The following NCOR1 variants were observed in gnomAD, a reference collection of about 807,000 sequenced individuals.
The protein encoded by NCOR1 is nuclear receptor corepressor 1.
NCOR1 carries 63 observed loss-of-function variants against 288.1 expected under a neutral mutation model. That is an observed-to-expected ratio of 0.22 (90% CI 0.18 to 0.27). The LOEUF (loss-of-function observed/expected upper bound fraction) is 0.27. Ranked by LOEUF, NCOR1 falls within the 10% of genes least tolerant of loss-of-function variation. NCOR1 has a pLI of 1.00. For synonymous variants in NCOR1, 1,007 were observed against 1,065.9 expected (o/e 0.94, Z 1.08); for missense variants, 2,397 against 3,019.2 (o/e 0.79, Z 4.83).
intron 19 of NCOR1, among the ~76,000 whole-genome samples, chr17:16,103,404 T>C (rs746792431): frequency 6.6e-6 from 1 of 152,196 alleles, no homozygotes; most frequent in African/African-American, 2.4e-5. Flanking sequence ...AAAGATAGAG[T>C]TGTCTTTTTA....
chr17:16,175,196 G>A (rs79606155), intron 3 of NCOR1, among the ~76,000 whole-genome samples: 7,515 of 152,032 alleles, frequency 0.049, 222 homozygotes, highest in African/African-American at 0.092. Context: ...GTGAAAGCCC[G>A]TCTCTACAAA....
rs2057371068 is a variant in NCOR1 at position 16,040,576 on chromosome 17, AAAATT to A, written c.6680-87_6680-83del. The A allele has an allele frequency of 6.2e-6, 7 of 1,136,520 alleles. No individual in the cohort carries two copies. In the South Asian group the frequency reaches 9.6e-5, roughly 16 times the overall value. The allele number at this position is 1,136,520 out of a possible 1,614,324, so 70.4% of individuals were successfully genotyped here. A position where few individuals can be genotyped will look rare whatever the true frequency, so the allele number is the denominator to read the frequency against. On this transcript the variant is annotated intron_variant, in intron 42 of 45. Coordinates refer to ENST00000268712, the MANE Select transcript of NCOR1 (RefSeq NM_006311.4). ...TAAAGTCTCAAAAAATTCCTATAAT[AAAATT>A]AATCTTTTTATTTTTCATGATCTCA...
At chr17:16,167,360 T>A (rs2082207451) in intron 4 of NCOR1, among the ~76,000 whole-genome samples, 1 of 151,668 alleles carries the variant, frequency 6.6e-6, no homozygotes, top group Non-Finnish European at 1.5e-5. Context: ...GAAAAAGAAT[T>A]AGATTCTTAC....
intron 42 of NCOR1, chr17:16,044,899 A>T: frequency 1.4e-6 from 1 of 715,116 alleles, no homozygotes. Context: ...AAGAAAGTGG[A>T]AGCAAACAAA....
intron 14 of NCOR1, among the ~76,000 whole-genome samples, chr17:16,127,369 GTA>G (rs1176635763): frequency 0.012 from 387 of 31,066 alleles, 25 homozygotes; most frequent in African/African-American, 0.023. Context: ...ATATATACAT[GTA>G]TGTATATATG....
chr17:16,044,596 C>T (rs769179346), intron 42 of NCOR1: 17 of 564,618 alleles, frequency 3.0e-5, no homozygotes, highest in Admixed American at 6.3e-5. Context: ...CGTCCGGCAG[C>T]GCCAGCCCCA....
chr17:16,108,711 C>T lies in NCOR1; in HGVS notation c.2182+75G>A, dbSNP rs930120448. 16 of 1,367,346 alleles carry T rather than the reference C, an allele frequency of 1.2e-5. No homozygotes were observed. The African/African-American group carries it at 1.9e-4, about 16-fold the overall frequency. The allele number at this position is 1,367,346 out of a possible 1,614,324, so 84.7% of individuals were successfully genotyped here. ...CACTGTTTCCTCAATGAAGCAACTCCTACACAGTCAAATGACTAAAAATTA... is the reference window on the plus strand; with the variant it reads ...CACTGTTTCCTCAATGAAGCAACTCTTACACAGTCAAATGACTAAAAATTA... On this transcript the variant is annotated intron_variant, in intron 19 of 45. Transcript: ENST00000268712.
At chr17:16,169,786 T>C (rs2082764295) in intron 4 of NCOR1, among the ~76,000 whole-genome samples, 1 of 152,220 alleles carries the variant, frequency 6.6e-6, no homozygotes, top group Non-Finnish European at 1.5e-5. Flanking sequence ...AGTTACAAAT[T>C]ACATTTGTGG....
At chr17:16,136,561 C>T (rs893710039) in intron 14 of NCOR1, among the ~76,000 whole-genome samples, 1 of 152,018 alleles carries the variant, frequency 6.6e-6, no homozygotes, top group Admixed American at 6.6e-5. Flanking sequence ...AATCCCAGCA[C>T]CTTGGGAGGC....
At chr17:16,213,406 T>C (rs974478725) in intron 1 of NCOR1, among the ~76,000 whole-genome samples, 7 of 144,412 alleles carry the variant, frequency 4.8e-5, no homozygotes, top group African/African-American at 1.5e-4. Context: ...GGCAGAAGAA[T>C]TGCTTGAACC....
At chr17:16,146,259 C>A in intron 10 of NCOR1, 117 bp downstream of exon 10, 4 of 884,848 alleles carry the variant, frequency 4.5e-6, no homozygotes, top group South Asian at 3.8e-5. Flanking sequence ...CCTGCCAAAT[C>A]CCCCTCTCCG....
chr17:16,208,539 T>A lies in NCOR1; in HGVS notation c.-71+6823A>T, dbSNP rs575663827. On this transcript the variant is annotated intron_variant, in intron 1 of 45. Coordinates refer to ENST00000268712, the MANE Select transcript of NCOR1 (RefSeq NM_006311.4). ...TCCCCAAAATTCCAATAAACAGAAT[T>A]TTTTTTTTCTTTTTTAAAGAAATGC... Among the ~76,000 whole-genome samples the A allele has an allele frequency of 2.2e-4, 33 of 149,924 alleles. 1 individual carries two copies. Among genetic ancestry groups the A allele is most frequent in the African/African-American group, 8.0e-4 (32 of 39,780 alleles).
chr17:16,175,834 TAAA>T (rs66939235), intron 3 of NCOR1, among the ~76,000 whole-genome samples: 4 of 144,830 alleles, frequency 2.8e-5, no homozygotes, highest in Non-Finnish European at 4.5e-5. Flanking sequence ...TTGTCTCTTT[TAAA>T]AAAAAAAAAA....
intron 41 of NCOR1, 66 bp downstream of exon 41, chr17:16,048,779 G>C (rs79040621): frequency 0.036 from 52,308 of 1,437,878 alleles, 1,158 homozygotes; most frequent in Non-Finnish European, 0.043. Context: ...GGCAACAACT[G>C]AAGGAAATGT....
intron 45 of NCOR1, among the ~76,000 whole-genome samples, chr17:16,034,099 TTAGAAGTGGC>T (rs1280037583): frequency 1.3e-5 from 2 of 149,174 alleles, no homozygotes; most frequent in African/African-American, 5.2e-5. Context: ...TGAAGTACTC[TTAGAAGTGGC>T]ATGGGTACAT....
At position 16,131,304 on chromosome 17, in the gene NCOR1, G is replaced by C. The variant is rs147581182; in HGVS notation, c.1510-5098C>G. Reference sequence around the variant, plus strand: ...GCCTCCCAAAGTGCTGGGATTACTAGTGTAAGCCACAATGCTTGACCTGGT... The same window carrying C: ...GCCTCCCAAAGTGCTGGGATTACTACTGTAAGCCACAATGCTTGACCTGGT... On this transcript the variant is annotated intron_variant, in intron 14 of 45. Coordinates refer to ENST00000268712, the MANE Select transcript of NCOR1 (RefSeq NM_006311.4). Among the ~76,000 whole-genome samples, 630 of 152,266 alleles carry C rather than the reference G, an allele frequency of 4.1e-3. 7 individuals carry two copies. The highest frequency in any genetic ancestry group is 0.015 in the African/African-American group (608 of 41,538).
chr17:16,167,696 C>G, intron 4 of NCOR1, among the ~76,000 whole-genome samples: 1 of 151,580 alleles, frequency 6.6e-6, no homozygotes, highest in Non-Finnish European at 1.5e-5. Context: ...CCCATCTCTA[C>G]TAAAACTACA....
chr17:16,120,859 T>A, intron 16 of NCOR1, among the ~76,000 whole-genome samples, 193 bp downstream of exon 16: 1 of 152,230 alleles, frequency 6.6e-6, no homozygotes, highest in East Asian at 1.9e-4. Flanking sequence ...AAAAAACAGC[T>A]ATATTGGGGT....
chr17:16,070,091 T>A, intron 31 of NCOR1, 74 bp downstream of exon 31: 1 of 1,485,610 alleles, frequency 6.7e-7, no homozygotes, highest in Non-Finnish European at 9.0e-7. Flanking sequence ...TGATATTTAC[T>A]ACTTGACAAA....
Sources: allele counts gnomAD v4.1 joint callset (sites outside exome capture counted in the v4.1 genomes callset), GRCh38; gene constraint gnomAD v4.1.1; transcripts MANE v1.5; gene names NCBI Gene and HGNC (gene_info 2026-07-23, HGNC 2026-07-21).